The following CHSY3 variants were observed in gnomAD, a reference collection of about 807,000 sequenced individuals.
CHSY3 encodes N-acetylgalactosaminyl-proteoglycan 3-beta-glucuronosyltransferase 3.
Under a neutral mutation model 67.2 loss-of-function variants are expected in CHSY3, and 35 were observed. That is an observed-to-expected ratio of 0.52 (90% CI 0.40 to 0.69). CHSY3 has a LOEUF of 0.69. CHSY3 is among the 30% of genes least tolerant of loss of function. The pLI is 0.00. For missense variants in CHSY3, 1,069 were observed against 1,138.5 expected (o/e 0.94, Z 0.88); for synonymous variants, 474 against 434.7 (o/e 1.09, Z -1.12).
At chr5:129,950,014 A>T (rs10073987) in intron 2 of CHSY3, among the ~76,000 whole-genome samples, 75,358 of 151,532 alleles carry the variant, frequency 0.5, 19,334 homozygotes, top group Middle Eastern at 0.58. Context: ...AAATACAAAA[A>T]TTAGCCAGGC....
intron 2 of CHSY3, among the ~76,000 whole-genome samples, chr5:129,914,095 C>T (rs543214304): frequency 1.3e-5 from 2 of 152,178 alleles, no homozygotes; most frequent in African/African-American, 4.8e-5. Context: ...TCCTTCTTAG[C>T]TTCCTATTCC....
chr5:130,141,596 G>C (rs1768868216), intron 2 of CHSY3: 8 of 500,824 alleles, frequency 1.6e-5, no homozygotes, highest in South Asian at 1.2e-4. Flanking sequence ...GAGAAATACA[G>C]AGCTGAAGAT....
chr5:130,133,120 A>C lies in CHSY3; in HGVS notation c.1087-51109A>C, dbSNP rs549507054. Among the ~76,000 whole-genome samples, 4 of 152,346 alleles carry C rather than the reference A, an allele frequency of 2.6e-5. No individual in the cohort carries two copies. In the East Asian group the frequency reaches 7.7e-4, roughly 29 times the overall value. On this transcript the variant is annotated intron_variant, in intron 2 of 2. Coordinates refer to ENST00000305031, the MANE Select transcript of CHSY3 (RefSeq NM_175856.5). Reference sequence around the variant, plus strand: ...TGGAGAGATGTGTCCTGAGATGTTTATGTAAAAGGTTGTATACTAATTTAC... The same window carrying C: ...TGGAGAGATGTGTCCTGAGATGTTTCTGTAAAAGGTTGTATACTAATTTAC...
intron 2 of CHSY3, among the ~76,000 whole-genome samples, chr5:129,913,060 G>C (rs994220569): frequency 5.9e-5 from 9 of 152,304 alleles, no homozygotes; most frequent in Admixed American, 3.9e-4. Flanking sequence ...CTTGGCTACT[G>C]CTTTTCTAGA....
intron 2 of CHSY3, among the ~76,000 whole-genome samples, chr5:130,153,405 A>G (rs1404175051): frequency 2.0e-5 from 3 of 152,084 alleles, no homozygotes; most frequent in African/African-American, 7.2e-5. Context: ...TGTTTTCTCA[A>G]AACATCATTC....
intron 2 of CHSY3, among the ~76,000 whole-genome samples, chr5:130,080,896 A>C (rs1427135137): frequency 6.6e-6 from 1 of 152,116 alleles, no homozygotes; most frequent in African/African-American, 2.4e-5. Context: ...ATGCAAATTT[A>C]TTAGCATGCA....
At position 129,962,088 on chromosome 5, in the gene CHSY3, A is replaced by G. The variant is rs533275677; in HGVS notation, c.1086+53728A>G. Among the ~76,000 whole-genome samples the G allele has an allele frequency of 5.7e-4, 86 of 151,684 alleles. 1 individual carries two copies. The highest frequency in any genetic ancestry group is 2.1e-3 in the African/African-American group (85 of 41,406). ...CTGGGTTTTGTTTCCTGTATCCCCA[A>G]CCCTCTCAGAAAATTTTCATTATGA... On this transcript the variant is annotated intron_variant, in intron 2 of 2. Transcript: ENST00000305031.
chr5:130,120,834 G>A (rs1053298781), intron 2 of CHSY3, among the ~76,000 whole-genome samples: 2 of 152,208 alleles, frequency 1.3e-5, no homozygotes, highest in African/African-American at 2.4e-5. Context: ...GTAAAAGCTG[G>A]TGGTTGCACA....
At chr5:129,974,670 G>A (rs553962433) in intron 2 of CHSY3, among the ~76,000 whole-genome samples, 1 of 152,094 alleles carries the variant, frequency 6.6e-6, no homozygotes, top group Admixed American at 6.6e-5. Context: ...AATGAGATTC[G>A]GGAGCAGAAA....
rs1554082166 is a variant in CHSY3, at chr5:130,091,146, G to GCGCACACACACA, written c.1087-93082_1087-93081insGCACACACACAC. The stretch of plus-strand genomic sequence containing the variant: ...CACACACACACACACGCACACGCGC[G>GCGCACACACACA]CACACACACACACACACTACTTTTG... On this transcript the variant is annotated intron_variant, in intron 2 of 2. Transcript: ENST00000305031. Among the ~76,000 whole-genome samples, 49 of 149,548 alleles carry GCGCACACACACA rather than the reference G, an allele frequency of 3.3e-4. No homozygotes were observed. The South Asian group carries it at 4.0e-3, about 12-fold the overall frequency.
At chr5:130,112,827 T>C (rs1163920324) in intron 2 of CHSY3, among the ~76,000 whole-genome samples, 1 of 152,142 alleles carries the variant, frequency 6.6e-6, no homozygotes, top group Non-Finnish European at 1.5e-5. Flanking sequence ...TAGAGTATCC[T>C]CATTTCACTA....
intron 2 of CHSY3, among the ~76,000 whole-genome samples, chr5:130,110,261 C>G (rs988742827): frequency 6.6e-6 from 1 of 151,768 alleles, no homozygotes; most frequent in South Asian, 2.1e-4. Flanking sequence ...TTCCTGACAA[C>G]AAAATTTGAC....
chr5:130,063,745 GAGGGCC>G (rs1428781232), intron 2 of CHSY3, among the ~76,000 whole-genome samples: 2 of 152,090 alleles, frequency 1.3e-5, no homozygotes, highest in Non-Finnish European at 2.9e-5. Context: ...GGTGTCTGGT[GAGGGCC>G]TTCTTGCAGC....
chr5:130,037,757 G>A (rs1308307239), intron 2 of CHSY3, among the ~76,000 whole-genome samples: 1 of 151,982 alleles, frequency 6.6e-6, no homozygotes, highest in Non-Finnish European at 1.5e-5. Flanking sequence ...TCCTCAAAGT[G>A]CCTAGTACAG....
intron 2 of CHSY3, among the ~76,000 whole-genome samples, chr5:129,925,616 C>A (rs1761079005): frequency 2.0e-5 from 3 of 151,972 alleles, no homozygotes; most frequent in African/African-American, 7.2e-5. Context: ...TTCAAGTATA[C>A]AGTATATTAT....
Position 129,904,546 on chromosome 5 carries a change from C to A in CHSY3, c.-284C>A. On this transcript the variant is annotated 5_prime_UTR_variant, in exon 1 of 3. Transcript: ENST00000305031. ...CTCCTCCTGCAGCTCCTCCAGCTGC[C>A]GCTGCTGCCGCCGCTGCCGCCACCG... is the stretch of plus-strand genomic sequence containing the variant. The A allele has an allele frequency of 2.9e-6, 1 of 347,416 alleles. No individual in the cohort carries two copies. The allele number at this position is 347,416 out of a possible 1,614,324, so 21.5% of individuals were successfully genotyped here. A position where few individuals can be genotyped will look rare whatever the true frequency, so the allele number is the denominator to read the frequency against.
intron 2 of CHSY3, among the ~76,000 whole-genome samples, chr5:130,032,070 T>C (rs1472021233): frequency 1.3e-5 from 2 of 152,192 alleles, no homozygotes; most frequent in Non-Finnish European, 2.9e-5. Context: ...ATTTCATTTA[T>C]GGTTCCTCCC....
intron 2 of CHSY3, among the ~76,000 whole-genome samples, chr5:129,917,115 A>G (rs1760754696): frequency 6.6e-6 from 1 of 152,122 alleles, no homozygotes; most frequent in Non-Finnish European, 1.5e-5. Flanking sequence ...TTGTATTTTA[A>G]GTTTAGCACT....
chr5:130,022,115 G>A (rs1051886491), intron 2 of CHSY3, among the ~76,000 whole-genome samples: 3 of 151,968 alleles, frequency 2.0e-5, no homozygotes, highest in African/African-American at 2.4e-5. Flanking sequence ...GGATGAATTC[G>A]ACAATTTGAT....
Sources: allele counts gnomAD v4.1 joint callset (sites outside exome capture counted in the v4.1 genomes callset), GRCh38; gene constraint gnomAD v4.1.1; transcripts MANE v1.5; gene names NCBI Gene and HGNC (gene_info 2026-07-23, HGNC 2026-07-21).